LRRC49: variants seen among roughly 807,000 people sequenced by gnomAD.
LRRC49 encodes leucine-rich repeat-containing protein 49.
In LRRC49, 50 loss-of-function variants were observed where a neutral mutation model predicts 83.3. The ratio of observed to expected loss-of-function variants is 0.60; its 90% CI spans 0.48 to 0.76. The LOEUF is 0.76. Among genes scored for constraint, LRRC49 ranks in the 30% least tolerant of loss-of-function variants. The pLI, the probability that LRRC49 is intolerant of heterozygous loss-of-function variation, is 0.00. For synonymous variants in LRRC49, 286 were observed against 283.3 expected (o/e 1.01, Z -0.10); for missense variants, 704 against 809.1 (o/e 0.87, Z 1.58).
intron 1 of LRRC49, among the ~76,000 whole-genome samples, chr15:70,861,638 C>A (rs1567027989): frequency 6.6e-6 from 1 of 152,136 alleles, no homozygotes. Context: ...ATATTAATTT[C>A]TTTGTGGCAT....
chr15:71,052,779 G>T lies in LRRC49; in HGVS notation c.*3167G>T, dbSNP rs986765666. 1 of 152,108 alleles carries T rather than the reference G, an allele frequency of 6.6e-6. No individual in the cohort carries two copies. The highest frequency in any genetic ancestry group is 1.5e-5 in the Non-Finnish European group (1 of 68,042). 9.4% of individuals were successfully genotyped at this position (152,108 alleles called of 1,614,324 possible). A position where few individuals can be genotyped will look rare whatever the true frequency, so the allele number is the denominator to read the frequency against. ...AGGATGAAAAAAAACGTAACTAAGG[G>T]TATTTCAACCAATAAATAGTAGACA... On this transcript the variant is annotated 3_prime_UTR_variant, in exon 16 of 16. Coordinates refer to ENST00000260382, the MANE Select transcript of LRRC49 (RefSeq NM_017691.5).
At chr15:70,901,133 C>A (rs1053524221) in intron 4 of LRRC49, 109 bp downstream of exon 4, 13 of 630,620 alleles carry the variant, frequency 2.1e-5, no homozygotes, top group Non-Finnish European at 3.5e-5. Context: ...CCCAGTTATT[C>A]AATTCTCCTA....
At chr15:70,939,724 C>CG (rs1408374734) in intron 8 of LRRC49, among the ~76,000 whole-genome samples, 1 of 151,976 alleles carries the variant, frequency 6.6e-6, no homozygotes, top group African/African-American at 2.4e-5. Flanking sequence ...TTCTAACCTA[C>CG]GTCACTGTTA....
chr15:71,034,272 CAT>C (rs1298610634), intron 14 of LRRC49, among the ~76,000 whole-genome samples: 2 of 152,120 alleles, frequency 1.3e-5, no homozygotes, highest in Non-Finnish European at 2.9e-5. Flanking sequence ...GGCCAACAAA[CAT>C]ATGAAAAAAA....
chr15:71,004,947 T>C lies in LRRC49; in HGVS notation c.1170-3432T>C, dbSNP rs572607901. 1.8e-4 allele frequency among the ~76,000 whole-genome samples: 28 copies of C among 152,278 alleles called. 1 individual carries two copies. Among genetic ancestry groups the C allele is most frequent in the Admixed American group, 1.6e-3 (24 of 15,270 alleles). On this transcript the variant is annotated intron_variant, in intron 11 of 15. Transcript: ENST00000260382. ...AATAACTAACGGGTACTAGGCTTAA[T>C]ATCTGGGTGATGAAGTAATCTGTAA...
At chr15:70,940,043 T>C (rs2035752918) in intron 8 of LRRC49, among the ~76,000 whole-genome samples, 1 of 152,032 alleles carries the variant, frequency 6.6e-6, no homozygotes, top group Non-Finnish European at 1.5e-5. Flanking sequence ...CTGAAAATGG[T>C]TTATAATTTT....
chr15:70,859,420 G>A, intron 1 of LRRC49: 1 of 745,870 alleles, frequency 1.3e-6, no homozygotes, highest in South Asian at 1.4e-5. Flanking sequence ...GGGAGCTGCA[G>A]TCCCACATCT....
rs529794026 is a variant in LRRC49 at position 70,854,058 on chromosome 15, C to G, written c.-299+589C>G. 7.2e-6 allele frequency: 10 copies of G among 1,390,460 alleles called. No homozygotes were observed. In the East Asian group the frequency reaches 9.4e-5, roughly 13 times the overall value. The allele number at this position is 1,390,460 out of a possible 1,614,324, so 86.1% of individuals were successfully genotyped here. A position where few individuals can be genotyped will look rare whatever the true frequency, so the allele number is the denominator to read the frequency against. On this transcript the variant is annotated intron_variant, in intron 1 of 16. Transcript: ENST00000544974. ...CGGATCTGCACCGCCGTCTTGGGCC[C>G]GGGCCGAGCCTCCCCGCCGGACTGG...
At chr15:71,016,353 G>A (rs2038826940) in intron 14 of LRRC49, among the ~76,000 whole-genome samples, 1 of 151,946 alleles carries the variant, frequency 6.6e-6, no homozygotes, top group Non-Finnish European at 1.5e-5. Context: ...CAAAACCTCT[G>A]GGATGTGACC....
intron 7 of LRRC49, among the ~76,000 whole-genome samples, chr15:70,921,892 A>T (rs1175411671): frequency 6.6e-6 from 1 of 151,126 alleles, no homozygotes; most frequent in East Asian, 1.9e-4. Flanking sequence ...TTGATGTAGA[A>T]AAGTTATTGC....
chr15:71,037,423 G>A (rs1176402713), intron 15 of LRRC49, 91 bp downstream of exon 15: 4 of 1,096,108 alleles, frequency 3.6e-6, no homozygotes, highest in East Asian at 2.6e-5. Context: ...CCTTAGTTAA[G>A]ATAACTTTTT....
intron 14 of LRRC49, among the ~76,000 whole-genome samples, chr15:71,036,372 A>C (rs984200606): frequency 1.3e-4 from 20 of 152,140 alleles, no homozygotes; most frequent in African/African-American, 4.8e-4. Flanking sequence ...TCAAATTTGC[A>C]CTTCCTAAAA....
chr15:71,000,450 CTATAA>C (rs911199150), intron 11 of LRRC49, among the ~76,000 whole-genome samples: 5 of 152,150 alleles, frequency 3.3e-5, no homozygotes, highest in African/African-American at 7.2e-5. Flanking sequence ...ATTTAAGTCT[CTATAA>C]TATAACAATT....
intron 15 of LRRC49, among the ~76,000 whole-genome samples, chr15:71,039,637 A>G (rs982826787): frequency 1.1e-4 from 17 of 152,232 alleles, no homozygotes; most frequent in African/African-American, 4.1e-4. Flanking sequence ...TTTAGGGAAT[A>G]ATGACAAGAA....
At position 70,895,724 on chromosome 15, in the gene LRRC49, G is replaced by A. The variant is rs1160859324; in HGVS notation, c.106-125G>A. On this transcript the variant is annotated intron_variant, in intron 2 of 15. Coordinates refer to ENST00000260382, the MANE Select transcript of LRRC49 (RefSeq NM_017691.5). The stretch of plus-strand genomic sequence containing the variant: ...GTGTCAGTTTTCTTTCACTTGGCAT[G>A]ATGTTTTCAAGGTTCATCCACATTG... 9.2e-6 allele frequency: 5 copies of A among 543,130 alleles called. No homozygotes were observed. In the Admixed American group the frequency reaches 1.1e-4, roughly 12 times the overall value. The allele number at this position is 543,130 out of a possible 1,614,324, so 33.6% of individuals were successfully genotyped here.
intron 2 of LRRC49, among the ~76,000 whole-genome samples, chr15:70,878,377 C>G (rs937311787): frequency 6.6e-6 from 1 of 152,150 alleles, no homozygotes; most frequent in African/African-American, 2.4e-5. Context: ...AAAGGACAAC[C>G]TTATTTCCTC....
At chr15:71,039,467 A>T (rs925898110) in intron 15 of LRRC49, among the ~76,000 whole-genome samples, 1 of 152,186 alleles carries the variant, frequency 6.6e-6, no homozygotes, top group African/African-American at 2.4e-5. Flanking sequence ...TCCTGCAGAT[A>T]CCAAAATGCA....
intron 8 of LRRC49, among the ~76,000 whole-genome samples, chr15:70,950,841 C>T (rs1201892139): frequency 7.2e-5 from 11 of 152,024 alleles, no homozygotes; most frequent in South Asian, 6.2e-4. Context: ...CCAAGGCCAA[C>T]GTCCAGAATG....
intron 14 of LRRC49, among the ~76,000 whole-genome samples, chr15:71,028,955 C>T (rs1321357731): frequency 3.9e-5 from 6 of 152,054 alleles, no homozygotes; most frequent in South Asian, 4.1e-4. Flanking sequence ...TTCATTTCTG[C>T]TCTGATATTT....
Sources: gnomAD v4.1 joint callset for allele counts (sites outside exome capture counted in the v4.1 genomes callset) on GRCh38, gnomAD v4.1.1 for gene constraint, MANE v1.5 for transcripts, NCBI Gene and HGNC (gene_info 2026-07-23, HGNC 2026-07-21) for gene names.